ACSM6: variants seen among roughly 807,000 people sequenced by gnomAD.
The protein encoded by ACSM6 is acyl-coenzyme A synthetase ACSM6, mitochondrial.
A neutral mutation model predicts 51.1 loss-of-function variants in ACSM6; 35 were observed. The observed-to-expected ratio is 0.69, with a 90% CI of 0.52 to 0.91. ACSM6 has a LOEUF of 0.91. Ranked by LOEUF, ACSM6 falls within the 40% of genes least tolerant of loss-of-function variation. The pLI is 0.00. For missense variants in ACSM6, 509 were observed against 584.1 expected (o/e 0.87, Z 1.32); for synonymous variants, 172 against 207.3 (o/e 0.83, Z 1.46).
intron 2 of ACSM6, among the ~76,000 whole-genome samples, chr10:95,197,466 T>A (rs7091276): frequency 0.047 from 7,145 of 151,746 alleles, 227 homozygotes; most frequent in African/African-American, 0.089. Flanking sequence ...ATGTGAGCAA[T>A]AGAATCTATG....
chr10:95,199,150 GAGAT>G (rs1416951216), intron 2 of ACSM6, among the ~76,000 whole-genome samples: 1 of 152,176 alleles, frequency 6.6e-6, no homozygotes, highest in Non-Finnish European at 1.5e-5. Flanking sequence ...TACCAAAACA[GAGAT>G]ATAGATCAAT....
intron 3 of ACSM6, among the ~76,000 whole-genome samples, chr10:95,203,839 T>G (rs2034816683): frequency 7.7e-6 from 1 of 129,218 alleles, no homozygotes; most frequent in South Asian, 2.4e-4. Context: ...CTTTGCCTGC[T>G]AACAGGGATG....
intron 2 of ACSM6, among the ~76,000 whole-genome samples, chr10:95,200,279 T>C (rs980130161): frequency 7.5e-6 from 1 of 134,058 alleles, no homozygotes; most frequent in Non-Finnish European, 1.5e-5. Context: ...TTCTCACTCA[T>C]AGGTGGGAAT....
intron 9 of ACSM6, among the ~76,000 whole-genome samples, chr10:95,224,020 AAAT>A (rs1351265984): frequency 1.1e-4 from 16 of 152,324 alleles, no homozygotes; most frequent in African/African-American, 3.6e-4. Flanking sequence ...AACAATCAAA[AAAT>A]AAAATTAATA....
At chr10:95,212,351 T>C (rs1242358567) in intron 6 of ACSM6, among the ~76,000 whole-genome samples, 1 of 152,206 alleles carries the variant, frequency 6.6e-6, no homozygotes, top group Non-Finnish European at 1.5e-5. Flanking sequence ...TATGGATTAT[T>C]TCATCTCCCC....
At chr10:95,211,981 G>A in exon 6 of ACSM6, 2 of 1,613,790 alleles carry the variant, frequency 1.2e-6, no homozygotes, top group South Asian at 1.1e-5. Flanking sequence ...GTTCCAAGGA[G>A]CCTGTGTGTT....
exon 3 of ACSM6, chr10:95,202,091 G>A (rs751791076): frequency 2.6e-6 from 4 of 1,552,168 alleles, no homozygotes; most frequent in South Asian, 2.4e-5. Context: ...AAGGCCGCCA[G>A]CATCCTCTCA....
intron 9 of ACSM6, among the ~76,000 whole-genome samples, chr10:95,222,936 T>C (rs978345200): frequency 6.2e-5 from 9 of 145,692 alleles, no homozygotes; most frequent in African/African-American, 2.3e-4. Flanking sequence ...GACAGTTCCA[T>C]GGGTGTTTAC....
In ACSM6 at chr10:95,202,231, C is replaced by T. The variant is rs563145484; in HGVS notation, c.403+36C>T. The T allele has an allele frequency of 1.9e-4, 286 of 1,492,420 alleles. 2 individuals are homozygous for T. In the South Asian group the frequency reaches 3.1e-3, roughly 16 times the overall value. The allele number at this position is 1,492,420 out of a possible 1,614,324, so 92.4% of individuals were successfully genotyped here. A position where few individuals can be genotyped will look rare whatever the true frequency, so the allele number is the denominator to read the frequency against. Reference sequence around the variant, plus strand: ...GGAGACGGACCCCAGGGGTTGGAGGCTTATGTGAATCCCAGCCTCAGTTAT... The same window carrying T: ...GGAGACGGACCCCAGGGGTTGGAGGTTTATGTGAATCCCAGCCTCAGTTAT... On this transcript the variant is annotated intron_variant, in intron 3 of 10. Transcript: ENST00000341686.
intron 4 of ACSM6, among the ~76,000 whole-genome samples, chr10:95,208,538 C>G (rs1417723444): frequency 6.6e-6 from 1 of 152,082 alleles, no homozygotes; most frequent in East Asian, 1.9e-4. Context: ...CGAGATGATG[C>G]CATGTTCATC....
chr10:95,227,873 G>T (rs2035055410), intron 10 of ACSM6, among the ~76,000 whole-genome samples: 1 of 152,184 alleles, frequency 6.6e-6, no homozygotes, highest in African/African-American at 2.4e-5. Flanking sequence ...TTTGAGAGCA[G>T]CCTGGCCAAC....
At chr10:95,219,565 C>A (rs1196329144) in intron 8 of ACSM6, among the ~76,000 whole-genome samples, 1 of 152,146 alleles carries the variant, frequency 6.6e-6, no homozygotes, top group Non-Finnish European at 1.5e-5. Context: ...ATCTTTTAAT[C>A]TATGAATTTC....
intron 7 of ACSM6, 30 bp from the exon 8 acceptor site, chr10:95,214,822 G>A: frequency 6.5e-7 from 1 of 1,548,396 alleles, no homozygotes; most frequent in East Asian, 2.4e-5. Flanking sequence ...TATTCCCTGA[G>A]GCTAAGAACA....
chr10:95,207,373 A>G (rs1318731475), exon 4 of ACSM6: 2 of 1,614,028 alleles, frequency 1.2e-6, no homozygotes, highest in East Asian at 2.2e-5. Flanking sequence ...CTGGTGTCAG[A>G]TAAGAGCTAT....
At chr10:95,221,138 G>T (rs942338645) in intron 9 of ACSM6, among the ~76,000 whole-genome samples, 1 of 151,504 alleles carries the variant, frequency 6.6e-6, no homozygotes, top group Non-Finnish European at 1.5e-5. Context: ...GATTTTCTTA[G>T]AAAAAAAATC....
At chr10:95,199,568 T>G (rs1332594968) in intron 2 of ACSM6, among the ~76,000 whole-genome samples, 1 of 152,012 alleles carries the variant, frequency 6.6e-6, no homozygotes, top group Non-Finnish European at 1.5e-5. Flanking sequence ...ACAGGCAACC[T>G]ACAGAATGGG....
intron 7 of ACSM6, 49 bp from the exon 8 acceptor site, chr10:95,214,803 T>G (rs769485462): frequency 7.8e-6 from 12 of 1,537,236 alleles, no homozygotes; most frequent in Admixed American, 2.0e-5. Context: ...GACCTGTTAT[T>G]GGTAGAAATA....
intron 2 of ACSM6, among the ~76,000 whole-genome samples, chr10:95,197,507 C>G (rs2034744429): frequency 1.3e-5 from 2 of 152,232 alleles, no homozygotes; most frequent in Non-Finnish European, 2.9e-5. Flanking sequence ...GGTACTATGC[C>G]TGGATGTGCA....
At chr10:95,227,979 G>T (rs1169511405) in intron 10 of ACSM6, among the ~76,000 whole-genome samples, 1 of 152,130 alleles carries the variant, frequency 6.6e-6, no homozygotes, top group East Asian at 1.9e-4. Flanking sequence ...GCTGAGACAC[G>T]AGAATCACTT....
Sources: allele counts gnomAD v4.1 joint callset (sites outside exome capture counted in the v4.1 genomes callset), GRCh38; gene constraint gnomAD v4.1.1; transcripts MANE v1.5; gene names NCBI Gene and HGNC (gene_info 2026-07-23, HGNC 2026-07-21).